The following HECTD4 variants were observed in gnomAD, a reference collection of about 807,000 sequenced individuals.
HECTD4 encodes HECT domain E3 ubiquitin protein ligase 4.
HECTD4 carries 114 observed loss-of-function variants against 471.5 expected under a neutral mutation model. The ratio of observed to expected loss-of-function variants is 0.24; its 90% CI spans 0.21 to 0.28. The LOEUF (loss-of-function observed/expected upper bound fraction) is 0.28. Among genes scored for constraint, HECTD4 ranks in the 10% least tolerant of loss-of-function variants. The probability of loss-of-function intolerance (pLI) is 1.00; values close to 1 mark genes in which losing one functional copy is unlikely to be tolerated. For synonymous variants in HECTD4, 2,012 were observed against 2,256.0 expected, an observed-to-expected ratio of 0.89 and a Z score of 3.07; for missense variants, 3,866 against 5,651.5, an observed-to-expected ratio of 0.68 and a Z score of 10.13.
Position 112,185,061 on chromosome 12 carries a change from G to A in HECTD4, c.9905C>T (p.Thr3302Ile), listed in dbSNP as rs2031811525. Residue 3302 changes from threonine (T) to isoleucine (I), a missense_variant, in exon 61 of 76, where the codon ACC becomes ATC. Physicochemically the swap from Thr to Ile is moderately conservative, Grantham distance 89 (BLOSUM62 -1). Coordinates refer to ENST00000682272, the MANE Select transcript of HECTD4 (RefSeq NM_001388303.1). ...GGAGAGGAGGCTGGGACTCTGTGGG[G>A]TCTGTCCTGGGGAGGACGAGGAGGA... ...SSSSSSSPGQ[T>I]PQSPSLLSKR... The A allele has an allele frequency of 6.3e-7, 1 of 1,588,602 alleles. No homozygotes were observed. The highest frequency in any genetic ancestry group is 1.1e-5 in the South Asian group (1 of 87,726).
intron 69 of HECTD4, 142 bp downstream of exon 69, chr12:112,170,191 G>A: frequency 8.5e-7 from 1 of 1,173,328 alleles, no homozygotes; most frequent in South Asian, 1.5e-5. Flanking sequence ...CCAGCAGGAA[G>A]CCACACACCA....
chr12:112,317,498 T>A (rs552131088), intron 2 of HECTD4, among the ~76,000 whole-genome samples: 1 of 152,074 alleles, frequency 6.6e-6, no homozygotes, highest in Admixed American at 6.6e-5. Flanking sequence ...AGAAAGAAGA[T>A]CCCAACCAAG....
At chr12:112,285,185 C>T (rs1243891715) in intron 7 of HECTD4, among the ~76,000 whole-genome samples, 2 of 152,140 alleles carry the variant, frequency 1.3e-5, no homozygotes, top group African/African-American at 4.8e-5. Context: ...GTAAAGTGCT[C>T]ACTGTGCTGG....
chr12:112,362,628 G>C (rs2036471543), intron 1 of HECTD4, among the ~76,000 whole-genome samples: 1 of 152,158 alleles, frequency 6.6e-6, no homozygotes, highest in Admixed American at 6.6e-5. Flanking sequence ...TGGGAAGTTG[G>C]TGGTGGTGGA....
At position 112,163,272 on chromosome 12, in the gene HECTD4, G is replaced by T. The variant is rs756987830; in HGVS notation, c.12898-8C>A. The stretch of plus-strand genomic sequence containing the variant: ...TTGGTACATGGTGTGGGCCTGGGGA[G>T]GAGAGGTCCAGGTGTCAGGAGCCCT... On this transcript the variant is annotated splice_region_variant and splice_polypyrimidine_tract_variant and intron_variant, in intron 74 of 75. Transcript: ENST00000682272. This position sits in a 1 kb window ranked among gnomAD's most constrained non-coding sequence, Gnocchi z 8.2. 1.9e-6 allele frequency: 3 copies of T among 1,607,642 alleles called. No homozygotes were observed. The highest frequency in any genetic ancestry group is 2.6e-6 in the Non-Finnish European group (3 of 1,175,462).
intron 1 of HECTD4, among the ~76,000 whole-genome samples, chr12:112,366,546 A>G (rs2036563156): frequency 6.6e-6 from 1 of 152,018 alleles, no homozygotes; most frequent in Non-Finnish European, 1.5e-5. Flanking sequence ...CTTTTTTGAA[A>G]AAATTGCCTG....
chr12:112,305,046 A>G (rs969748750), intron 7 of HECTD4, among the ~76,000 whole-genome samples: 3 of 152,116 alleles, frequency 2.0e-5, no homozygotes, highest in Non-Finnish European at 4.4e-5. Flanking sequence ...GTTCTTTTAT[A>G]AGTCTCTACA....
In HECTD4 at chr12:112,246,974, C is replaced by A; in HGVS notation, c.4440G>T (p.Leu1480=). 6.2e-7 allele frequency: 1 copy of A among 1,612,206 alleles called. No individual in the cohort carries two copies. Among genetic ancestry groups the A allele is most frequent in the Non-Finnish European group, 8.5e-7 (1 of 1,179,852 alleles). Residue 1480 remains leucine, a synonymous_variant, in exon 29 of 76, where the codon CTG becomes CTT. Transcript: ENST00000682272. The part of the protein sequence containing the change: ...LVKSLMNRAE[L]LLHVTIAAQS... ...GGGCTGCGATGGTGACATGCAGCAA[C>A]AGCTCGGCTCGGTTCATTAAACTCT...
intron 11 of HECTD4, 101 bp downstream of exon 11, chr12:112,273,554 C>T (rs1321918514): frequency 3.2e-5 from 34 of 1,062,940 alleles, no homozygotes; most frequent in Non-Finnish European, 3.5e-5. Flanking sequence ...AAACTGGTGA[C>T]ACATTCTGGG....
At chr12:112,178,891 G>A in intron 64 of HECTD4, 40 bp downstream of exon 64, 2 of 1,574,784 alleles carry the variant, frequency 1.3e-6, no homozygotes, top group Non-Finnish European at 1.7e-6. Context: ...CCCCACATCT[G>A]CCCACAGGCT....
intron 13 of HECTD4, chr12:112,267,186 T>C (rs1425248418): frequency 5.4e-6 from 3 of 552,408 alleles, no homozygotes; most frequent in East Asian, 3.1e-5. Flanking sequence ...CACCGCTCCA[T>C]GTGCGTCCCT....
rs1489905636 is a variant in HECTD4 at position 112,226,163 on chromosome 12, C to G, written c.6970+480G>C. Among the ~76,000 whole-genome samples the G allele has an allele frequency of 2.0e-5, 3 of 151,986 alleles. No individual in the cohort carries two copies. The East Asian group carries it at 5.8e-4, about 29-fold the overall frequency. On this transcript the variant is annotated intron_variant, in intron 44 of 75. Transcript: ENST00000682272. ...AATCCTGAAGGTTCATTATACTAGT[C>G]TCTCAATTTTGGTATTTGGACTTTT...
chr12:112,191,803 T>C (rs1334291546), intron 59 of HECTD4, among the ~76,000 whole-genome samples: 3 of 152,236 alleles, frequency 2.0e-5, no homozygotes, highest in Admixed American at 6.5e-5. Context: ...GAAATGTTCT[T>C]TCATTTCATT....
At chr12:112,357,750 T>C (rs962976597) in intron 1 of HECTD4, among the ~76,000 whole-genome samples, 1 of 152,206 alleles carries the variant, frequency 6.6e-6, no homozygotes, top group Non-Finnish European at 1.5e-5. Flanking sequence ...TATTTCAGAA[T>C]CTTTATTATA....
intron 1 of HECTD4, among the ~76,000 whole-genome samples, chr12:112,333,100 C>A (rs944082148): frequency 3.3e-5 from 5 of 152,150 alleles, no homozygotes; most frequent in Non-Finnish European, 5.9e-5. Flanking sequence ...TTTATCTATT[C>A]ATCAGTTGAT....
rs769814645 is a variant in HECTD4 at position 112,194,953 on chromosome 12, G to A, written c.8681C>T (p.Ala2894Val). 6.2e-7 allele frequency: 1 copy of A among 1,610,794 alleles called. No individual in the cohort carries two copies. Among genetic ancestry groups the A allele is most frequent in the Non-Finnish European group, 8.5e-7 (1 of 1,178,612 alleles). The change falls in exon 56 of 76, where the codon GCC becomes GTC. Residue 2894 changes from alanine to valine, a missense_variant. Ala to Val is a moderately conservative substitution (Grantham distance 64, BLOSUM62 0). Coordinates refer to ENST00000682272, the MANE Select transcript of HECTD4 (RefSeq NM_001388303.1). The surrounding 1 kb of genome is among the most constrained non-coding windows in gnomAD (Gnocchi z 4.6). ...HLFTRLFHIP[A>V]IRDITLEHLQ... ...GTGCTCCAGGGTAATGTCCCGGATG[G>A]CAGGGATGTGGAAGAGGCGAGTGAA...
rs1594067456 is a variant in HECTD4, at chr12:112,352,240, C to T, written c.177+29712G>A. ...TTAGGGTAGCTGTTCTCAACCCTGG[C>T]TGAATATTAGAATTGCTTTGAGAGC... On this transcript the variant is annotated intron_variant, in intron 1 of 75. Transcript: ENST00000682272. 3.3e-5 allele frequency among the ~76,000 whole-genome samples: 5 copies of T among 151,942 alleles called. No individual in the cohort carries two copies. In the South Asian group the frequency reaches 1.0e-3, roughly 32 times the overall value.
intron 39 of HECTD4, 191 bp from the exon 40 acceptor site, chr12:112,231,013 C>G (rs1318728290): frequency 1.8e-6 from 1 of 564,070 alleles, no homozygotes; most frequent in Non-Finnish European, 3.1e-6. Flanking sequence ...TTTGTGGTAT[C>G]TGAAGAACTG....
chr12:112,269,084 A>G lies in HECTD4; in HGVS notation c.2321+620T>C, dbSNP rs576039553. Among the ~76,000 whole-genome samples the G allele has an allele frequency of 2.6e-5, 4 of 151,840 alleles. No individual in the cohort carries two copies. The East Asian group carries it at 6.0e-4, about 23-fold the overall frequency. ...GAGACGGGGTTTCACCGTGTTAGCC[A>G]GGATGGTCTCGATCTCCTGACCTCG... On this transcript the variant is annotated intron_variant, in intron 13 of 75. Transcript: ENST00000682272.
Sources: allele counts gnomAD v4.1 joint callset (sites outside exome capture counted in the v4.1 genomes callset), GRCh38; gene constraint gnomAD v4.1.1; non-coding constraint Gnocchi (gnomAD v3.1); transcripts MANE v1.5; gene names NCBI Gene and HGNC (gene_info 2026-07-23, HGNC 2026-07-21).